MYO6: variants seen among roughly 807,000 people sequenced by gnomAD.
MYO6 encodes the protein myosin VI, also known as unconventional myosin-VI.
Under a neutral mutation model 178.7 loss-of-function variants are expected in MYO6, and 74 were observed. That is an observed-to-expected ratio of 0.41 (90% CI 0.34 to 0.50). MYO6 has a LOEUF of 0.50. Ranked by LOEUF, MYO6 falls within the 20% of genes least tolerant of loss-of-function variation. The pLI is 0.09. For missense variants in MYO6, 1,330 were observed against 1,547.4 expected (o/e 0.86, Z 2.36); for synonymous variants, 477 against 504.6 (o/e 0.95, Z 0.73).
intron 5 of MYO6, among the ~76,000 whole-genome samples, chr6:75,830,924 T>C (rs140608336): frequency 3.2e-4 from 49 of 152,328 alleles, no homozygotes; most frequent in Non-Finnish European, 6.6e-4. Flanking sequence ...CTGGCCTTCA[T>C]CTCTTACCCA....
chr6:75,910,550 G>A (rs1029160380), intron 32 of MYO6, among the ~76,000 whole-genome samples: 3 of 152,110 alleles, frequency 2.0e-5, no homozygotes, highest in Admixed American at 6.5e-5. Flanking sequence ...AGCTTCCTAA[G>A]GGTTCTATCA....
chr6:75,785,575 C>T (rs557530496), intron 1 of MYO6, among the ~76,000 whole-genome samples: 7 of 150,464 alleles, frequency 4.7e-5, no homozygotes, highest in East Asian at 2.0e-4. Flanking sequence ...TGGGCTCAAG[C>T]GATCGTCCCG....
intron 1 of MYO6, among the ~76,000 whole-genome samples, chr6:75,807,993 CTT>C (rs1231014976): frequency 1.3e-5 from 2 of 152,334 alleles, no homozygotes; most frequent in Non-Finnish European, 2.9e-5. Context: ...TCCATTTTAT[CTT>C]AACTCTGAAA....
In MYO6 at chr6:75,835,855, C is replaced by T. The variant is rs780469338; in HGVS notation, c.498-46C>T. 3.7e-6 allele frequency: 4 copies of T among 1,071,988 alleles called. No individual in the cohort carries two copies. The African/African-American group carries it at 4.7e-5, about 12-fold the overall frequency. The allele number at this position is 1,071,988 out of a possible 1,614,324, so 66.4% of individuals were successfully genotyped here. ...TACTAGATAATTATAAATTATTGTA[C>T]ACCATATTATTGTCATCAACATTTT... On this transcript the variant is annotated intron_variant, in intron 6 of 34. Transcript: ENST00000369977.
In MYO6 at chr6:75,847,211, C is replaced by T. The variant is rs376819716; in HGVS notation, c.898-1140C>T. On this transcript the variant is annotated intron_variant, in intron 10 of 34. Transcript: ENST00000369977. ...TGGCTGCATGTGATTGTTTCCTTTG[C>T]TTCTTTTAAGAATAAAATTGAATTT... Among the ~76,000 whole-genome samples the T allele has an allele frequency of 7.2e-5, 11 of 152,130 alleles. No homozygotes were observed. The East Asian group carries it at 2.1e-3, about 29-fold the overall frequency.
chr6:75,782,188 G>A (rs996000572), intron 1 of MYO6, among the ~76,000 whole-genome samples: 1 of 152,000 alleles, frequency 6.6e-6, no homozygotes, highest in Non-Finnish European at 1.5e-5. Context: ...ACTTTGTGCT[G>A]GGGATTTTGT....
At chr6:75,805,224 G>A (rs1239704140) in intron 1 of MYO6, among the ~76,000 whole-genome samples, 5 of 151,244 alleles carry the variant, frequency 3.3e-5, no homozygotes. Context: ...GGGTTTCACC[G>A]TGTTAGCCAG....
At chr6:75,891,861 G>A (rs954613658) in intron 27 of MYO6, among the ~76,000 whole-genome samples, 36 of 152,082 alleles carry the variant, frequency 2.4e-4, no homozygotes, top group African/African-American at 8.5e-4. Context: ...AGGAACTATG[G>A]GTCACAGTTG....
intron 1 of MYO6, among the ~76,000 whole-genome samples, chr6:75,773,245 C>G (rs1440209659): frequency 3.3e-5 from 5 of 152,044 alleles, no homozygotes; most frequent in Non-Finnish European, 7.4e-5. Context: ...TAATGAGTAT[C>G]CAATTATGAT....
At chr6:75,874,306 G>C (rs1777390125) in intron 20 of MYO6, among the ~76,000 whole-genome samples, 1 of 152,174 alleles carries the variant, frequency 6.6e-6, no homozygotes, top group Non-Finnish European at 1.5e-5. Context: ...TCTGCACAGG[G>C]TTGGTAGACA....
chr6:75,873,442 A>T, intron 20 of MYO6, 142 bp downstream of exon 20: 1 of 797,636 alleles, frequency 1.3e-6, no homozygotes, highest in South Asian at 1.5e-5. Flanking sequence ...TTCTTTAATT[A>T]TAAGAAAAGT....
chr6:75,781,227 T>G (rs1214537928), intron 1 of MYO6, among the ~76,000 whole-genome samples: 3 of 151,986 alleles, frequency 2.0e-5, no homozygotes, highest in Non-Finnish European at 4.4e-5. Context: ...CTATGTAAAG[T>G]TAAAAGTAGG....
chr6:75,812,659 A>AG (rs1368433340), intron 1 of MYO6, among the ~76,000 whole-genome samples: 2 of 135,610 alleles, frequency 1.5e-5, no homozygotes, highest in Non-Finnish European at 3.1e-5. Context: ...CAATTGTTTC[A>AG]GTTTTTTTTT....
intron 25 of MYO6, among the ~76,000 whole-genome samples, chr6:75,888,595 A>G (rs554541290): frequency 6.6e-4 from 101 of 151,936 alleles, no homozygotes; most frequent in Middle Eastern, 3.4e-3. Flanking sequence ...GGTGACAGTG[A>G]GACCCCTGGC....
intron 1 of MYO6, among the ~76,000 whole-genome samples, chr6:75,754,629 T>TA (rs1777192268): frequency 6.6e-6 from 1 of 151,292 alleles, no homozygotes; most frequent in Non-Finnish European, 1.5e-5. Context: ...GATGAACATC[T>TA]TTTTCAACAG....
intron 3 of MYO6, among the ~76,000 whole-genome samples, chr6:75,823,828 A>G (rs1005768416): frequency 6.6e-6 from 1 of 152,194 alleles, no homozygotes; most frequent in African/African-American, 2.4e-5. Flanking sequence ...GTAGAATGGA[A>G]GTAATGTGTA....
At chr6:75,809,361 A>G (rs1014980421) in intron 1 of MYO6, among the ~76,000 whole-genome samples, 51 of 152,336 alleles carry the variant, frequency 3.3e-4, no homozygotes, top group African/African-American at 1.2e-3. Flanking sequence ...AAGTCTTGCC[A>G]TACTGACTTA....
intron 25 of MYO6, among the ~76,000 whole-genome samples, chr6:75,889,187 A>G (rs1535501): frequency 0.34 from 51,385 of 152,054 alleles, 9,587 homozygotes; most frequent in Admixed American, 0.48. Context: ...TGAAAATGCT[A>G]TAAATAGACT....
intron 29 of MYO6, among the ~76,000 whole-genome samples, chr6:75,895,918 G>A (rs1225639151): frequency 1.3e-5 from 2 of 151,974 alleles, no homozygotes; most frequent in African/African-American, 2.4e-5. Context: ...AGTATATATG[G>A]TAGTTCATTC....
Sources: allele counts gnomAD v4.1 joint callset (sites outside exome capture counted in the v4.1 genomes callset), GRCh38; gene constraint gnomAD v4.1.1; transcripts MANE v1.5; gene names NCBI Gene and HGNC (gene_info 2026-07-23, HGNC 2026-07-21).